Variants in MCMDC2 observed in about 807,000 individuals in gnomAD.
The protein encoded by MCMDC2 is minichromosome maintenance domain containing 2.
Under a neutral mutation model 75.8 loss-of-function variants are expected in MCMDC2, and 54 were observed. The observed-to-expected ratio is 0.71, with a 90% confidence interval of 0.57 to 0.89. The LOEUF (loss-of-function observed/expected upper bound fraction) is 0.89. MCMDC2 is among the 40% of genes least tolerant of loss of function. The pLI is 0.00. For synonymous variants in MCMDC2, 249 were observed against 274.6 expected (o/e 0.91, Z 0.92); for missense variants, 656 against 780.4 (o/e 0.84, Z 1.90).
At chr8:66,871,477 T>C (rs1045725454) in intron 1 of MCMDC2, 2 of 152,186 alleles carry the variant, frequency 1.3e-5, no homozygotes, top group African/African-American at 4.8e-5. Context: ...AATTCTAGAA[T>C]CGATCTCCTC....
At chr8:66,897,810 A>G (rs573392281) in intron 12 of MCMDC2, among the ~76,000 whole-genome samples, 1 of 152,340 alleles carries the variant, frequency 6.6e-6, no homozygotes, top group South Asian at 2.1e-4. Context: ...TCTCATAGCT[A>G]TTAAAGGTAC....
intron 14 of MCMDC2, among the ~76,000 whole-genome samples, chr8:66,917,156 A>G (rs911587726): frequency 7.9e-5 from 12 of 152,050 alleles, no homozygotes; most frequent in African/African-American, 2.9e-4. Context: ...ATGTTTGGGG[A>G]AAAAAAGCTT....
At chr8:66,923,643 T>C (rs1813630226), downstream of MCMDC2, among the ~76,000 whole-genome samples, 1 of 152,104 alleles carries the variant, frequency 6.6e-6, no homozygotes, top group Non-Finnish European at 1.5e-5. Flanking sequence ...CCGCCTGTAA[T>C]CCTAGCACTT....
At chr8:66,887,970 G>C (rs762889658) in intron 9 of MCMDC2, among the ~76,000 whole-genome samples, 5 of 152,084 alleles carry the variant, frequency 3.3e-5, no homozygotes, top group Non-Finnish European at 7.4e-5. Context: ...ACACTCCCTT[G>C]ATTATTGTAG....
intron 13 of MCMDC2, among the ~76,000 whole-genome samples, chr8:66,902,669 G>GT: frequency 8.0e-6 from 1 of 125,154 alleles, no homozygotes; most frequent in Non-Finnish European, 1.6e-5. Flanking sequence ...ACTCCAGCCT[G>GT]GCGACAGAGC....
chr8:66,903,721 C>CT (rs1216409117), intron 13 of MCMDC2, among the ~76,000 whole-genome samples: 1 of 152,154 alleles, frequency 6.6e-6, no homozygotes, highest in Non-Finnish European at 1.5e-5. Flanking sequence ...AGACAGGTAC[C>CT]TAATCACAAG....
rs890853736 is a variant in MCMDC2, at chr8:66,921,511, T to C, written c.*2342T>C. The C allele has an allele frequency of 3.3e-5, 5 of 152,228 alleles. No homozygotes were observed. The highest frequency in any genetic ancestry group is 1.2e-4 in the African/African-American group (5 of 41,456). 9.4% of individuals were successfully genotyped at this position (152,228 alleles called of 1,614,324 possible). ...GGAGAAAAGATTTAGCTCTAAACCTTCACCCAGATATAAATTCAGCTTTAG... is the reference window on the plus strand; with the variant it reads ...GGAGAAAAGATTTAGCTCTAAACCTCCACCCAGATATAAATTCAGCTTTAG... On this transcript the variant is annotated 3_prime_UTR_variant, in exon 15 of 15. Transcript: ENST00000422365.
chr8:66,902,421 G>T (rs143355014), intron 13 of MCMDC2, among the ~76,000 whole-genome samples: 1 of 151,326 alleles, frequency 6.6e-6, no homozygotes, highest in African/African-American at 2.4e-5. Flanking sequence ...TGGCCTAGTG[G>T]CTCATGCCTA....
intron 13 of MCMDC2, among the ~76,000 whole-genome samples, chr8:66,903,742 T>C (rs1239145844): frequency 6.6e-6 from 1 of 152,168 alleles, no homozygotes; most frequent in Non-Finnish European, 1.5e-5. Flanking sequence ...CATCTTTGCT[T>C]TTCTAGAGAA....
downstream of MCMDC2, among the ~76,000 whole-genome samples, chr8:66,923,408 AAGGTTGG>A (rs982994984): frequency 2.1e-4 from 32 of 152,178 alleles, 1 homozygote; most frequent in Admixed American, 1.5e-3. Context: ...GAAGACATAC[AAGGTTGG>A]AGCTTGCAAA....
At chr8:66,876,060 A>G (rs191717068) in intron 4 of MCMDC2, among the ~76,000 whole-genome samples, 173 of 152,308 alleles carry the variant, frequency 1.1e-3, no homozygotes, top group African/African-American at 3.9e-3. Context: ...CAGTGTCACA[A>G]TTGATTAGTG....
chr8:66,903,871 A>T (rs1484861998), intron 13 of MCMDC2, among the ~76,000 whole-genome samples: 2 of 152,190 alleles, frequency 1.3e-5, no homozygotes, highest in Non-Finnish European at 2.9e-5. Context: ...AATGAGCAAT[A>T]TTGGAGAGAA....
At chr8:66,880,542 A>T (rs1276108434) in intron 7 of MCMDC2, among the ~76,000 whole-genome samples, 2 of 152,216 alleles carry the variant, frequency 1.3e-5, no homozygotes, top group Admixed American at 1.3e-4. Flanking sequence ...GAATAGAAAA[A>T]TGTTTCATCT....
chr8:66,889,549 G>A (rs80162644), intron 9 of MCMDC2, among the ~76,000 whole-genome samples: 1,801 of 152,180 alleles, frequency 0.012, 21 homozygotes, highest in Admixed American at 0.018. Flanking sequence ...TAATCCCAGC[G>A]CTTTTTGGGA....
chr8:66,902,709 A>T (rs867706077), intron 13 of MCMDC2, among the ~76,000 whole-genome samples: 1,160 of 104,818 alleles, frequency 0.011, no homozygotes, highest in African/African-American at 0.024. Flanking sequence ...AAAAAAAAAA[A>T]AAATATATAT....
At chr8:66,909,804 C>T (rs915161705) in intron 14 of MCMDC2, among the ~76,000 whole-genome samples, 2 of 152,202 alleles carry the variant, frequency 1.3e-5, no homozygotes, top group African/African-American at 4.8e-5. Flanking sequence ...GCATAAGTAA[C>T]AAGAGGCCAA....
chr8:66,926,132 C>T (rs1204157184), downstream of MCMDC2: 1 of 152,082 alleles, frequency 6.6e-6, no homozygotes, highest in African/African-American at 2.4e-5. Flanking sequence ...CTGGGTAAGG[C>T]TCCGTCTCAA....
intron 9 of MCMDC2, among the ~76,000 whole-genome samples, chr8:66,890,160 G>A (rs1313942293): frequency 1.3e-5 from 2 of 152,056 alleles, no homozygotes; most frequent in Admixed American, 6.6e-5. Flanking sequence ...TCCGCCTCCC[G>A]GGTTGAGGCA....
chr8:66,890,569 C>A (rs900317175), intron 9 of MCMDC2, among the ~76,000 whole-genome samples: 11 of 151,972 alleles, frequency 7.2e-5, no homozygotes, highest in African/African-American at 2.7e-4. Flanking sequence ...CTCTGTTGCC[C>A]GGGCTGGAGT....
Sources: gnomAD v4.1 joint callset for allele counts (sites outside exome capture counted in the v4.1 genomes callset) on GRCh38, gnomAD v4.1.1 for gene constraint, MANE v1.5 for transcripts, NCBI Gene and HGNC (gene_info 2026-07-23, HGNC 2026-07-21) for gene names.